Variants in USP36 observed in about 807,000 individuals in gnomAD.
USP36 encodes the protein ubiquitin carboxyl-terminal hydrolase 36.
In USP36, 59 loss-of-function variants were observed where a neutral mutation model predicts 111.5. That is an observed-to-expected ratio of 0.53 (90% CI 0.43 to 0.66). The LOEUF (loss-of-function observed/expected upper bound fraction) is 0.66. Among genes scored for constraint, USP36 ranks in the 30% least tolerant of loss-of-function variants. The pLI is 0.00. For synonymous variants in USP36, 628 were observed against 581.0 expected, an observed-to-expected ratio of 1.08 and a Z score of -1.16; for missense variants, 1,488 against 1,468.0, an observed-to-expected ratio of 1.01 and a Z score of -0.22.
intron 4 of USP36, among the ~76,000 whole-genome samples, chr17:78,831,711 C>T (rs192661691): frequency 4.5e-4 from 69 of 151,876 alleles, no homozygotes; most frequent in African/African-American, 1.5e-3. Flanking sequence ...GGGAGGCTGA[C>T]GCAGGAGGAT....
chr17:78,797,969 C>T (rs545679285), intron 20 of USP36, 90 bp from the exon 21 acceptor site: 15 of 166,996 alleles, frequency 9.0e-5, no homozygotes, highest in Admixed American at 2.9e-4. Flanking sequence ...AACCTAGGAA[C>T]CCAATGCATG....
chr17:78,829,193 T>C (rs2067854073), intron 4 of USP36, among the ~76,000 whole-genome samples, 186 bp from the exon 5 acceptor site: 1 of 152,184 alleles, frequency 6.6e-6, no homozygotes, highest in African/African-American at 2.4e-5. Context: ...GGAAATGTTA[T>C]TCTCTGCTGG....
chr17:78,818,551 G>T, intron 10 of USP36, 116 bp downstream of exon 10: 1 of 858,100 alleles, frequency 1.2e-6, no homozygotes, highest in South Asian at 1.5e-5. Context: ...CTTTAGAACA[G>T]GGACAGGTAC....
intron 18 of USP36, 94 bp downstream of exon 18, chr17:78,799,571 CCA>C: frequency 8.9e-7 from 1 of 1,128,364 alleles, no homozygotes; most frequent in South Asian, 1.3e-5. Context: ...TGCCCGCCCG[CCA>C]CACTCACAGT....
At chr17:78,794,522 G>A (rs376574043), downstream of USP36, among the ~76,000 whole-genome samples, 4 of 152,120 alleles carry the variant, frequency 2.6e-5, no homozygotes, top group South Asian at 2.1e-4. Context: ...CCCTGGAGCC[G>A]TCAGTCCTGC....
intron 8 of USP36, 101 bp downstream of exon 8, chr17:78,820,890 C>T: frequency 7.8e-7 from 1 of 1,286,942 alleles, no homozygotes; most frequent in Non-Finnish European, 1.1e-6. Flanking sequence ...AGTTTTCTCC[C>T]TATCTATTTT....
intron 6 of USP36, 23 bp downstream of exon 6, chr17:78,827,222 A>AGGG: frequency 1.4e-6 from 1 of 712,424 alleles, no homozygotes; most frequent in Middle Eastern, 5.5e-4. Context: ...AAGCCCTGGG[A>AGGG]GGGTGGGTGG....
At chr17:78,789,219 AAG>A (rs2093562143) in intron 3 of USP36, among the ~76,000 whole-genome samples, 1 of 148,172 alleles carries the variant, frequency 6.7e-6, no homozygotes, top group Admixed American at 6.7e-5. Context: ...AAAAAAAAAA[AAG>A]GAGATGAGGT....
At chr17:78,804,279 T>C (rs1206061019) in intron 15 of USP36, among the ~76,000 whole-genome samples, 3 of 151,986 alleles carry the variant, frequency 2.0e-5, no homozygotes, top group Non-Finnish European at 4.4e-5. Context: ...CTAGCCAACA[T>C]GGTGAAACCC....
At chr17:78,794,348 C>T (rs910495867), downstream of USP36, among the ~76,000 whole-genome samples, 1 of 152,200 alleles carries the variant, frequency 6.6e-6, no homozygotes, top group African/African-American at 2.4e-5. Flanking sequence ...CAAAACCTGC[C>T]CTGCGCTTTT....
At chr17:78,801,554 C>T (rs977208002) in intron 17 of USP36, among the ~76,000 whole-genome samples, 2 of 152,144 alleles carry the variant, frequency 1.3e-5, no homozygotes, top group Non-Finnish European at 2.9e-5. Context: ...TGTTCTGTGG[C>T]GGGTGCCTGC....
chr17:78,835,630 T>C (rs2068593234), intron 3 of USP36, 129 bp from the exon 4 acceptor site: 1 of 931,896 alleles, frequency 1.1e-6, no homozygotes, highest in East Asian at 2.6e-5. Context: ...AGAGAAGAAC[T>C]GGTGTTCTGG....
intron 13 of USP36, among the ~76,000 whole-genome samples, chr17:78,812,186 C>A (rs1465602812): frequency 2.0e-5 from 3 of 151,236 alleles, no homozygotes; most frequent in Non-Finnish European, 4.4e-5. Flanking sequence ...GACCCTGTCT[C>A]CAAAAAAAAA....
intron 10 of USP36, among the ~76,000 whole-genome samples, chr17:78,817,358 A>G (rs2094212491): frequency 6.6e-6 from 1 of 152,242 alleles, no homozygotes; most frequent in African/African-American, 2.4e-5. Flanking sequence ...TGCTGACCTA[A>G]GCAAGCCCCC....
At position 78,836,125 on chromosome 17, in the gene USP36, G is replaced by A. The variant is rs372703565; in HGVS notation, c.239C>T (p.Pro80Leu). 120 of 1,613,380 alleles carry A rather than the reference G, an allele frequency of 7.4e-5. No individual in the cohort carries two copies. The highest frequency in any genetic ancestry group is 3.6e-4 in the Middle Eastern group (2 of 5,504). ...CACATCTGTACCCTGTCTCCTGGCC[G>A]GTGGGTCATCTCCACTCTTGTGGCG... ...ASRHKSGDDP[P>L]ARRQGSEHTY... The change falls in exon 3 of 21, where the codon CCG becomes CTG. Residue 80 changes from proline to leucine, a missense_variant. Physicochemically the swap from Pro to Leu is moderately conservative, Grantham distance 98 (BLOSUM62 -3). Transcript: ENST00000449938.
At chr17:78,821,420 A>ATATATATATT (rs1192213715) in intron 7 of USP36, 4 of 34,558 alleles carry the variant, frequency 1.2e-4, no homozygotes, top group Non-Finnish European at 1.8e-4. Flanking sequence ...ATATATATAT[A>ATATATATATT]TTTTTTTTTT....
rs9889908 is a variant in USP36, at chr17:78,803,871, C to A, written c.2324G>T (p.Arg775Leu). ...CGCCGTCGAGATGGAGGAGCAGCTC[C>A]GTGGTTCTGACGTCCCTGGGGGCTT... The part of the protein sequence containing the change: ...TPKPPGTSEP[R>L]SCSSISTALP... Residue 775 changes from arginine to leucine, a missense_variant, in exon 16 of 21, where the codon CGG becomes CTG. Physicochemically the swap from Arg to Leu is moderately radical, Grantham distance 102. Coordinates refer to ENST00000449938, the MANE Select transcript of USP36 (RefSeq NM_001385174.1). This position sits in a 1 kb window ranked among gnomAD's most constrained non-coding sequence, Gnocchi z 4.6. The A allele has an allele frequency of 3.8e-6, 6 of 1,584,244 alleles. No homozygotes were observed. The highest frequency in any genetic ancestry group is 4.3e-6 in the Non-Finnish European group (5 of 1,167,506).
chr17:78,795,009 GAAAAAAAAA>G (rs78492260), downstream of USP36, among the ~76,000 whole-genome samples: 2 of 115,506 alleles, frequency 1.7e-5, no homozygotes, highest in Non-Finnish European at 3.7e-5. The surrounding 1 kb of genome is among the most constrained non-coding windows in gnomAD (Gnocchi z 4.5). Context: ...CTCTGTTCGG[GAAAAAAAAA>G]AAAAAAAAAA....
chr17:78,810,983 G>A (rs373002809), intron 13 of USP36, among the ~76,000 whole-genome samples: 24 of 151,860 alleles, frequency 1.6e-4, no homozygotes, highest in East Asian at 3.9e-4. Context: ...GAGTGCTGGC[G>A]GGCACCTGTA....
Sources: gnomAD v4.1 joint callset for allele counts (sites outside exome capture counted in the v4.1 genomes callset) on GRCh38, gnomAD v4.1.1 for gene constraint, Gnocchi (gnomAD v3.1) non-coding constraint, MANE v1.5 for transcripts, NCBI Gene and HGNC (gene_info 2026-07-23, HGNC 2026-07-21) for gene names.